The following NOL4L variants were observed in gnomAD, a reference collection of about 807,000 sequenced individuals.
The protein encoded by NOL4L is nucleolar protein 4-like.
A neutral mutation model predicts 64.5 loss-of-function variants in NOL4L; 7 were observed. The observed-to-expected ratio is 0.11, with a 90% confidence interval of 0.06 to 0.20. The LOEUF (loss-of-function observed/expected upper bound fraction) is 0.20. NOL4L is among the 10% of genes least tolerant of loss of function. The pLI is 1.00. For synonymous variants in NOL4L, 413 were observed against 401.0 expected, an observed-to-expected ratio of 1.03 and a Z score of -0.36; for missense variants, 680 against 967.1, an observed-to-expected ratio of 0.70 and a Z score of 3.94.
At chr20:32,570,947 T>A (rs1371817551) in intron 1 of NOL4L, among the ~76,000 whole-genome samples, 1 of 152,110 alleles carries the variant, frequency 6.6e-6, no homozygotes, top group African/African-American at 2.4e-5. Flanking sequence ...GCACTCCCAC[T>A]TTTTTGGATG....
At chr20:32,517,798 C>G (rs1427504357) in intron 3 of NOL4L, among the ~76,000 whole-genome samples, 1 of 152,200 alleles carries the variant, frequency 6.6e-6, no homozygotes, top group African/African-American at 2.4e-5. Context: ...CCCGCTGCGT[C>G]CCAGGTGCCC....
chr20:32,472,228 C>T (rs1234753391), intron 5 of NOL4L, among the ~76,000 whole-genome samples: 2 of 152,226 alleles, frequency 1.3e-5, no homozygotes, highest in African/African-American at 2.4e-5. Context: ...TCGGGGATAA[C>T]AGACATTCAG....
chr20:32,522,324 C>G (rs1478686789), intron 2 of NOL4L, among the ~76,000 whole-genome samples: 2 of 152,252 alleles, frequency 1.3e-5, no homozygotes, highest in Non-Finnish European at 2.9e-5. Context: ...ATCTCCCTTC[C>G]AAATTCCCTG....
chr20:32,551,869 G>A (rs2018807303), intron 1 of NOL4L, among the ~76,000 whole-genome samples: 1 of 152,090 alleles, frequency 6.6e-6, no homozygotes, highest in Non-Finnish European at 1.5e-5. Context: ...ACTCCCTGCA[G>A]CCTTGAACTC....
At chr20:32,469,320 A>T (rs908516598) in intron 5 of NOL4L, among the ~76,000 whole-genome samples, 1 of 152,072 alleles carries the variant, frequency 6.6e-6, no homozygotes, top group Non-Finnish European at 1.5e-5. Context: ...GGCCCCAGAC[A>T]TCATTATTTT....
Position 32,453,665 on chromosome 20 carries a change from C to A in NOL4L, c.1216G>T (p.Asp406Tyr). The A allele has an allele frequency of 6.3e-7, 1 of 1,585,238 alleles. No individual in the cohort carries two copies. Residue 406 changes from aspartate to tyrosine, a missense_variant, in exon 7 of 11, where the codon GAT becomes TAT. Physicochemically the swap from Asp to Tyr is radical, Grantham distance 160. Around this residue, in one of 4 missense-constraint regions of NOL4L, gnomAD observed 254 missense variants for 238.7 expected, o/e 1.06. Coordinates refer to ENST00000621426, the MANE Select transcript of NOL4L (RefSeq NM_001256798.2). This position sits in a 1 kb window ranked among gnomAD's most constrained non-coding sequence, Gnocchi z 5.6. ...LTVGRAPTAD[D>Y]DDDDHDDHED... ...TGGTCATCGTGGTCATCGTCGTCAT[C>A]ATCTGCCGTCGGGGCCCGGCCCACT... is the stretch of plus-strand genomic sequence containing the variant.
chr20:32,577,666 C>T (rs559237705), intron 1 of NOL4L, among the ~76,000 whole-genome samples: 4 of 152,128 alleles, frequency 2.6e-5, no homozygotes, highest in Admixed American at 1.3e-4. Flanking sequence ...GGCAACAAAG[C>T]GATAATCTGT....
chr20:32,562,300 A>C (rs1341959243), intron 1 of NOL4L, among the ~76,000 whole-genome samples: 1 of 151,792 alleles, frequency 6.6e-6, no homozygotes, highest in Non-Finnish European at 1.5e-5. Flanking sequence ...CACTATCTCA[A>C]CCTCCCCGAT....
At chr20:32,489,682 C>T (rs1409974451) in intron 4 of NOL4L, among the ~76,000 whole-genome samples, 5 of 151,914 alleles carry the variant, frequency 3.3e-5, no homozygotes, top group African/African-American at 9.6e-5. Context: ...CAGTGGCTCA[C>T]GCCTGTAATC....
chr20:32,531,811 A>G (rs1291370494), intron 1 of NOL4L, among the ~76,000 whole-genome samples: 2 of 152,148 alleles, frequency 1.3e-5, no homozygotes, highest in Admixed American at 6.6e-5. Flanking sequence ...GAGTCTGGAC[A>G]TTTTGTGTTT....
At chr20:32,491,128 T>C (rs1027581356) in intron 4 of NOL4L, among the ~76,000 whole-genome samples, 5 of 152,180 alleles carry the variant, frequency 3.3e-5, no homozygotes, top group Non-Finnish European at 5.9e-5. Flanking sequence ...GGGTTGACCA[T>C]AGGGAGCCTC....
At chr20:32,528,335 G>A (rs972304962) in intron 1 of NOL4L, among the ~76,000 whole-genome samples, 1 of 152,008 alleles carries the variant, frequency 6.6e-6, no homozygotes, top group Non-Finnish European at 1.5e-5. Context: ...CTGTGGGCCT[G>A]GGCTGGGGTC....
At chr20:32,483,108 C>G (rs2145498666) in intron 4 of NOL4L, among the ~76,000 whole-genome samples, 1 of 149,910 alleles carries the variant, frequency 6.7e-6, no homozygotes, top group Admixed American at 6.6e-5. Flanking sequence ...CTTCATCGCC[C>G]CCCCTCCACT....
At chr20:32,509,688 G>T in intron 4 of NOL4L, 3 of 1,143,448 alleles carry the variant, frequency 2.6e-6, no homozygotes, top group Non-Finnish European at 3.4e-6. Flanking sequence ...TTCCATTGAC[G>T]CAAGTGAAGA....
intron 1 of NOL4L, among the ~76,000 whole-genome samples, chr20:32,578,800 G>A (rs1462298313): frequency 6.6e-6 from 1 of 152,180 alleles, no homozygotes; most frequent in East Asian, 1.9e-4. Context: ...GTTGAGTTAG[G>A]ACCCCATAGG....
At chr20:32,492,379 T>C (rs2016501729) in intron 4 of NOL4L, among the ~76,000 whole-genome samples, 1 of 152,236 alleles carries the variant, frequency 6.6e-6, no homozygotes, top group African/African-American at 2.4e-5. Context: ...AATCAATGTA[T>C]GCTCCTAGAA....
At position 32,560,813 on chromosome 20, in the gene NOL4L, T is replaced by C. The variant is rs542470506; in HGVS notation, c.321+23757A>G. On this transcript the variant is annotated intron_variant, in intron 1 of 10. Coordinates refer to ENST00000621426, the MANE Select transcript of NOL4L (RefSeq NM_001256798.2). ...CGGACAGACTGACGGATGGGACTGA[T>C]GATTGACAGCTCTGTCCCACCTGCA... Among the ~76,000 whole-genome samples the C allele has an allele frequency of 1.2e-4, 18 of 152,350 alleles. No individual in the cohort carries two copies. The South Asian group carries it at 2.5e-3, about 21-fold the overall frequency.
chr20:32,535,775 AGAGAAAGGGGCACAGTGG>A, intron 1 of NOL4L: 1 of 985,482 alleles, frequency 1.0e-6, no homozygotes, highest in African/African-American at 1.7e-5. Flanking sequence ...AGGAATGGGA[AGAGAAAGGGGCACAGTGG>A]GCCACAGTGC....
At chr20:32,528,541 G>A (rs1391672216) in intron 1 of NOL4L, among the ~76,000 whole-genome samples, 4 of 152,254 alleles carry the variant, frequency 2.6e-5, no homozygotes, top group East Asian at 1.9e-4. Context: ...TGAACGGGGC[G>A]GCCGTGGGCC....
Sources: allele counts gnomAD v4.1 joint callset (sites outside exome capture counted in the v4.1 genomes callset), GRCh38; gene constraint gnomAD v4.1.1; regional missense constraint gnomAD v4.1.1; non-coding constraint Gnocchi (gnomAD v3.1); transcripts MANE v1.5; gene names NCBI Gene and HGNC (gene_info 2026-07-23, HGNC 2026-07-21).